NFILZ: variants seen among roughly 807,000 people sequenced by gnomAD.
NFILZ encodes NFIL3 like protein.
At chr19:8,671,291 C>G (rs138951951) in intron 3 of NFILZ, among the ~76,000 whole-genome samples, 1 of 152,224 alleles carries the variant, frequency 6.6e-6, no homozygotes, top group East Asian at 1.9e-4. Context: ...TTAGCACTTC[C>G]TCTGCGACCA....
chr19:8,653,149 T>C (rs1244614354), intron 3 of NFILZ, among the ~76,000 whole-genome samples: 1 of 151,304 alleles, frequency 6.6e-6, no homozygotes, highest in African/African-American at 2.4e-5. Context: ...TGGTGCGATC[T>C]TGGCTCACTG....
chr19:8,640,446 T>A (rs2042914601), intron 3 of NFILZ, among the ~76,000 whole-genome samples: 1 of 151,830 alleles, frequency 6.6e-6, no homozygotes, highest in African/African-American at 2.4e-5. Context: ...GATGACCGGC[T>A]TGGAGTTTAC....
chr19:8,680,274 G>A lies in NFILZ; in HGVS notation c.*2639G>A, dbSNP rs895094453. Among the ~76,000 whole-genome samples the A allele has an allele frequency of 1.3e-5, 2 of 150,984 alleles. No homozygotes were observed. The highest frequency in any genetic ancestry group is 4.9e-5 in the African/African-American group (2 of 41,044). Reference sequence around the variant, plus strand: ...TGCCCACCAAGGAGCTCAGGGCCGAGCTTGTGGCTCAGCTATAACAGCATT... The same window carrying A: ...TGCCCACCAAGGAGCTCAGGGCCGAACTTGTGGCTCAGCTATAACAGCATT... On this transcript the variant is annotated 3_prime_UTR_variant, in exon 6 of 6. Transcript: ENST00000691075.
chr19:8,657,673 C>T (rs572798909), intron 3 of NFILZ, among the ~76,000 whole-genome samples: 74 of 152,264 alleles, frequency 4.9e-4, no homozygotes, highest in African/African-American at 1.5e-3. Context: ...CTCTGTCCCT[C>T]CACACCGTGC....
chr19:8,675,070 C>T (rs960349229), intron 4 of NFILZ, among the ~76,000 whole-genome samples: 2 of 152,142 alleles, frequency 1.3e-5, no homozygotes, highest in African/African-American at 2.4e-5. Context: ...ATTCATTCAA[C>T]AAGTGTTTAT....
rs782582971 is a variant in NFILZ, at chr19:8,676,480, G to C, written c.-16+24G>C. ...CAGTAAGGAGAACACCCCTGGAAGA[G>C]CATGTGTCCTTCTGAGGGTACAGGG... is the stretch of plus-strand genomic sequence containing the variant. On this transcript the variant is annotated intron_variant, in intron 5 of 5. Transcript: ENST00000691075. Among the ~76,000 whole-genome samples, 6 of 152,320 alleles carry C rather than the reference G, an allele frequency of 3.9e-5. No individual in the cohort carries two copies. In the Middle Eastern group the frequency reaches 0.01, roughly 259 times the overall value.
intron 2 of NFILZ, among the ~76,000 whole-genome samples, chr19:8,635,203 A>C (rs1390859373): frequency 1.3e-5 from 2 of 151,178 alleles, no homozygotes; most frequent in Admixed American, 6.6e-5. Flanking sequence ...CCAGCTACTC[A>C]GGAGGCTGAG....
chr19:8,643,880 C>A (rs1429888012), intron 3 of NFILZ, among the ~76,000 whole-genome samples: 20 of 152,148 alleles, frequency 1.3e-4, no homozygotes, highest in Non-Finnish European at 1.5e-5. Context: ...CGCTCTCTCT[C>A]CACCTTTCTG....
chr19:8,658,817 G>A (rs980098465), intron 3 of NFILZ, among the ~76,000 whole-genome samples: 60 of 152,206 alleles, frequency 3.9e-4, no homozygotes, highest in Non-Finnish European at 8.5e-4. Flanking sequence ...GGGCGCAGTG[G>A]CTCATGCCTG....
rs386806601 is a variant in NFILZ at position 8,646,051 on chromosome 19, G to GT, written c.-164+10305_-164+10306insT. On this transcript the variant is annotated intron_variant, in intron 3 of 5. Coordinates refer to ENST00000691075, the MANE Select transcript of NFILZ (RefSeq NM_001378600.1). ...CCCTTATTTTTTTTTCTTTTTTTTT[G>GT]GGGGGGATGGACTCTTGCTCTGTTG... 6.8e-4 allele frequency among the ~76,000 whole-genome samples: 103 copies of GT among 150,568 alleles called. 1 individual carries two copies. The highest frequency in any genetic ancestry group is 2.4e-3 in the African/African-American group (97 of 40,956).
chr19:8,647,293 C>G (rs1555747152), intron 3 of NFILZ, among the ~76,000 whole-genome samples: 1 of 152,114 alleles, frequency 6.6e-6, no homozygotes, highest in East Asian at 1.9e-4. Context: ...TGAGATCGGC[C>G]AGGCGCGGTG....
intron 1 of NFILZ, among the ~76,000 whole-genome samples, chr19:8,631,303 A>G (rs1201223528): frequency 1.3e-5 from 2 of 152,042 alleles, no homozygotes; most frequent in Non-Finnish European, 2.9e-5. Context: ...CAGCTCTCTC[A>G]GGGGTGGCCC....
chr19:8,660,889 C>T (rs1555749031), intron 3 of NFILZ, among the ~76,000 whole-genome samples: 1 of 151,166 alleles, frequency 6.6e-6, no homozygotes, highest in Non-Finnish European at 1.5e-5. Flanking sequence ...ACCTGCCCGC[C>T]TCAGCCTCCC....
In NFILZ at chr19:8,679,890, T is replaced by A. The variant is rs1340714791; in HGVS notation, c.*2255T>A. Among the ~76,000 whole-genome samples, 1 of 152,168 alleles carries A rather than the reference T, an allele frequency of 6.6e-6. No homozygotes were observed. Among genetic ancestry groups the A allele is most frequent in the Non-Finnish European group, 1.5e-5 (1 of 68,016 alleles). On this transcript the variant is annotated 3_prime_UTR_variant, in exon 6 of 6. Transcript: ENST00000691075. Reference sequence around the variant, plus strand: ...ATAGGGGCTTCTCTGGACTGTTTTATCTTCATAAATAATGTGAATCCTGGA... The same window carrying A: ...ATAGGGGCTTCTCTGGACTGTTTTAACTTCATAAATAATGTGAATCCTGGA...
intron 3 of NFILZ, among the ~76,000 whole-genome samples, chr19:8,657,168 C>T (rs1428152068): frequency 2.0e-5 from 3 of 150,492 alleles, no homozygotes; most frequent in African/African-American, 7.3e-5. Context: ...TTTTTTGAGA[C>T]GGAGTCTCAC....
rs1555748374 is a variant in NFILZ, at chr19:8,656,315, TCC to T, written c.-163-18235_-163-18234del. ...AGCCCACCTCCTCCCGCAGCGCACC[TCC>T]TCCCTGAAGCCCCCTTCTTCCTGAA... On this transcript the variant is annotated intron_variant, in intron 3 of 5. Transcript: ENST00000691075. 2.5e-4 allele frequency among the ~76,000 whole-genome samples: 21 copies of T among 83,340 alleles called. 3 individuals carry two copies. The highest frequency in any genetic ancestry group is 4.0e-4 in the Non-Finnish European group (13 of 32,230). The allele number at this position is 83,340 out of a possible 152,430, so 54.7% of individuals were successfully genotyped here. A position where few individuals can be genotyped will look rare whatever the true frequency, so the allele number is the denominator to read the frequency against.
rs576780131 is a variant in NFILZ at position 8,678,274 on chromosome 19, A to G, written c.*639A>G. ...CCATTTATCCATCCTCCATTTATCC[A>G]TGCATCTATTCTCATTCATCCATGC... On this transcript the variant is annotated 3_prime_UTR_variant, in exon 6 of 6. Coordinates refer to ENST00000691075, the MANE Select transcript of NFILZ (RefSeq NM_001378600.1). Among the ~76,000 whole-genome samples, 4 of 146,788 alleles carry G rather than the reference A, an allele frequency of 2.7e-5. No homozygotes were observed. Among genetic ancestry groups the G allele is most frequent in the African/African-American group, 1.0e-4 (4 of 39,750 alleles).
chr19:8,632,966 G>T (rs749836444), intron 2 of NFILZ, among the ~76,000 whole-genome samples: 48 of 147,594 alleles, frequency 3.3e-4, no homozygotes, highest in Non-Finnish European at 5.8e-4. Flanking sequence ...CAGGTGATCC[G>T]CCTGCCTCAG....
rs181171281 is a variant in NFILZ at position 8,659,347 on chromosome 19, G to A, written c.-163-15204G>A. On this transcript the variant is annotated intron_variant, in intron 3 of 5. Coordinates refer to ENST00000691075, the MANE Select transcript of NFILZ (RefSeq NM_001378600.1). ...CAATACTAAACGCTGAGAAGCAGAA[G>A]CACCTGACTTAGTCTGGTAGGTCGG... Among the ~76,000 whole-genome samples the A allele has an allele frequency of 1.3e-4, 20 of 152,268 alleles. No homozygotes were observed. The East Asian group carries it at 3.7e-3, about 28-fold the overall frequency.
Sources: allele counts gnomAD v4.1 joint callset (sites outside exome capture counted in the v4.1 genomes callset), GRCh38; gene constraint gnomAD v4.1.1; transcripts MANE v1.5; gene names NCBI Gene and HGNC (gene_info 2026-07-23, HGNC 2026-07-21).